WDR35: variants seen among roughly 807,000 people sequenced by gnomAD.
The protein encoded by WDR35 is WD repeat domain 35, also known as WD repeat-containing protein 35.
A neutral mutation model predicts 158.3 loss-of-function variants in WDR35; 118 were observed. The observed-to-expected ratio is 0.75, with a 90% confidence interval of 0.64 to 0.87. The LOEUF is 0.87. Ranked by LOEUF, WDR35 falls within the 40% of genes least tolerant of loss-of-function variation. The probability of loss-of-function intolerance (pLI) is 0.00; values close to 1 mark genes in which losing one functional copy is unlikely to be tolerated. For synonymous variants in WDR35, 448 were observed against 476.1 expected, an observed-to-expected ratio of 0.94 and a Z score of 0.77; for missense variants, 1,263 against 1,405.8, an observed-to-expected ratio of 0.90 and a Z score of 1.62.
rs1272592210 is a variant in WDR35, at chr2:19,910,344, G to T, written c.*3214C>A. On this transcript the variant is annotated 3_prime_UTR_variant, in exon 27 of 27. Coordinates refer to ENST00000281405, the MANE Select transcript of WDR35 (RefSeq NM_020779.4). Reference sequence around the variant, plus strand: ...CTAAGATCTCAGCTCTTGGAATACAGAAAAATAGTTTCAAAGTGTATTTTA... The same window carrying T: ...CTAAGATCTCAGCTCTTGGAATACATAAAAATAGTTTCAAAGTGTATTTTA... 1 of 152,094 alleles carries T rather than the reference G, an allele frequency of 6.6e-6. No individual in the cohort carries two copies. Among genetic ancestry groups the T allele is most frequent in the Non-Finnish European group, 1.5e-5 (1 of 67,994 alleles). 9.4% of individuals were successfully genotyped at this position (152,094 alleles called of 1,614,324 possible). A position where few individuals can be genotyped will look rare whatever the true frequency, so the allele number is the denominator to read the frequency against.
chr2:19,957,798 C>A (rs1374303081), intron 11 of WDR35, among the ~76,000 whole-genome samples: 1 of 152,120 alleles, frequency 6.6e-6, no homozygotes, highest in African/African-American at 2.4e-5. Context: ...GGTGATCTAC[C>A]CACCTCAGCC....
At chr2:19,924,010 A>C (rs1378153112) in intron 25 of WDR35, among the ~76,000 whole-genome samples, 5 of 152,138 alleles carry the variant, frequency 3.3e-5, no homozygotes, top group Non-Finnish European at 7.3e-5. Context: ...TGAAGCTTCC[A>C]TTCAGGCTGC....
chr2:19,969,517 G>C lies in WDR35; in HGVS notation c.971C>G (p.Ser324Cys). The part of the protein sequence containing the change: ...GGLKIALAVD[S>C]FIYFANIRPN... ...TCGAATGTTTGCAAAATATATAAAG[G>C]AATCAACAGCTAGTGCAATTTTCAG... The change falls in exon 9 of 27, where the codon TCC (serine) becomes TGC (cysteine). Residue 324 changes from serine (S) to cysteine (C), a missense_variant. Physicochemically the swap from Ser to Cys is moderately radical, Grantham distance 112. Coordinates refer to ENST00000281405, the MANE Select transcript of WDR35 (RefSeq NM_020779.4). 2 of 1,613,484 alleles carry C rather than the reference G, an allele frequency of 1.2e-6. No homozygotes were observed. Among genetic ancestry groups the C allele is most frequent in the Non-Finnish European group, 1.7e-6 (2 of 1,179,624 alleles).
At chr2:19,958,841 C>G (rs557930864) in intron 11 of WDR35, among the ~76,000 whole-genome samples, 5 of 152,144 alleles carry the variant, frequency 3.3e-5, no homozygotes, top group African/African-American at 9.7e-5. Flanking sequence ...ATACCTAACT[C>G]TCATGTGTAG....
intron 9 of WDR35, 142 bp from the exon 10 acceptor site, chr2:19,967,051 G>T: frequency 1.3e-6 from 1 of 752,758 alleles, no homozygotes; most frequent in Non-Finnish European, 2.1e-6. Context: ...ATATTCTTCA[G>T]AAATAGAAGA....
chr2:19,945,697 A>G, intron 16 of WDR35, 89 bp downstream of exon 16: 1 of 1,477,888 alleles, frequency 6.8e-7, no homozygotes, highest in African/African-American at 1.4e-5. Flanking sequence ...CTATTCAACA[A>G]ACTTCTTAAA....
intron 12 of WDR35, 122 bp downstream of exon 12, chr2:19,953,712 T>C (rs1466715544): frequency 2.6e-5 from 34 of 1,294,204 alleles, no homozygotes; most frequent in Admixed American, 1.1e-4. Flanking sequence ...ATCAAATTAA[T>C]TGAAAAAACA....
At chr2:19,924,381 G>A (rs902790800) in intron 25 of WDR35, among the ~76,000 whole-genome samples, 1 of 152,052 alleles carries the variant, frequency 6.6e-6, no homozygotes, top group African/African-American at 2.4e-5. Context: ...TGGCTAACAT[G>A]GTGAAACCCC....
At chr2:19,984,805 A>G (rs1328861503) in intron 2 of WDR35, among the ~76,000 whole-genome samples, 2 of 152,238 alleles carry the variant, frequency 1.3e-5, no homozygotes, top group Non-Finnish European at 2.9e-5. Context: ...CAGCAGCCCA[A>G]TTTCAACAGA....
chr2:19,970,620 C>G (rs980415163), intron 8 of WDR35, among the ~76,000 whole-genome samples: 1 of 152,220 alleles, frequency 6.6e-6, no homozygotes, highest in Non-Finnish European at 1.5e-5. Flanking sequence ...GCATGGCATA[C>G]AATGCCTTTT....
intron 11 of WDR35, among the ~76,000 whole-genome samples, chr2:19,959,529 A>C (rs1448510660): frequency 6.6e-6 from 1 of 152,066 alleles, no homozygotes; most frequent in Non-Finnish European, 1.5e-5. Flanking sequence ...CTATGTAGCA[A>C]TGAATGTAAG....
intron 11 of WDR35, among the ~76,000 whole-genome samples, chr2:19,958,196 T>C (rs1451471453): frequency 1.3e-5 from 2 of 152,224 alleles, no homozygotes; most frequent in Non-Finnish European, 2.9e-5. Context: ...GCCCATGTGC[T>C]CCCACTAAAA....
In WDR35 at chr2:19,935,759, G is replaced by GA. The variant is rs1281083851; in HGVS notation, c.2415-157dup. On this transcript the variant is annotated intron_variant, in intron 20 of 26. Transcript: ENST00000281405. ...AATAACTTTCAAACATATAAATGGG[G>GA]AAAAAAATCTAAAGCATATTCTAGT... is the stretch of plus-strand genomic sequence containing the variant. 9.2e-5 allele frequency among the ~76,000 whole-genome samples: 14 copies of GA among 151,788 alleles called. No homozygotes were observed. The South Asian group carries it at 1.7e-3, about 18-fold the overall frequency.
chr2:19,948,271 A>T, intron 13 of WDR35, 54 bp from the exon 14 acceptor site: 1 of 1,479,640 alleles, frequency 6.8e-7, no homozygotes, highest in Non-Finnish European at 9.4e-7. Flanking sequence ...TGAATAACTA[A>T]CCTGGTACAA....
rs767341173 is a variant in WDR35, at chr2:19,914,226, G to C, written c.3173C>G (p.Ser1058Cys). 7.4e-6 allele frequency: 12 copies of C among 1,614,142 alleles called. No individual in the cohort carries two copies. In the East Asian group the frequency reaches 8.9e-5, roughly 12 times the overall value. ...GGCGCATGCGCAGAGTGCTAGCAGAGAGTAGATCTCCACAGGAGGGATGAT... is the reference window on the plus strand; with the variant it reads ...GGCGCATGCGCAGAGTGCTAGCAGACAGTAGATCTCCACAGGAGGGATGAT... ...EDIIPPVEIY[S>C]LLALCACASR... Residue 1058 changes from serine to cysteine, a missense_variant, in exon 26 of 27, where the codon TCT (serine) becomes TGT (cysteine). Coordinates refer to ENST00000281405, the MANE Select transcript of WDR35 (RefSeq NM_020779.4).
chr2:19,978,179 TACACACACACACACAGACACACACAC>T (rs972765771), intron 5 of WDR35, among the ~76,000 whole-genome samples: 9 of 144,916 alleles, frequency 6.2e-5, no homozygotes, highest in Non-Finnish European at 1.4e-4. Flanking sequence ...TACATGAAGT[TACACACACACACACAGACACACACAC>T]ACACACACAC....
intron 5 of WDR35, 39 bp from the exon 6 acceptor site, chr2:19,975,702 A>T (rs906752320): frequency 6.2e-7 from 1 of 1,613,454 alleles, no homozygotes. Flanking sequence ...CAAGGTCATG[A>T]TCCTCCAACA....
At chr2:19,989,899 G>C in intron 1 of WDR35, 93 bp downstream of exon 1, 2 of 1,573,906 alleles carry the variant, frequency 1.3e-6, no homozygotes. Context: ...GACCAGGACC[G>C]GGTGAAGGAG....
In WDR35 at chr2:19,990,001, C is replaced by T. The variant is rs774533729; in HGVS notation, c.15G>A (p.Leu5=). MFFY[L]SKKISIPNNV... is the part of the protein sequence containing the mutation. ...CCCCCAGGAAACTCACTTTCTTGCT[C>T]AGGTAGAAGAACATCGTGGGATCCC... The change falls in exon 1 of 27, where the codon CTG becomes CTA. Residue 5 remains leucine, a synonymous_variant. Coordinates refer to ENST00000281405, the MANE Select transcript of WDR35 (RefSeq NM_020779.4). 2 of 1,614,026 alleles carry T rather than the reference C, an allele frequency of 1.2e-6. No homozygotes were observed. Among genetic ancestry groups the T allele is most frequent in the Non-Finnish European group, 1.7e-6 (2 of 1,179,962 alleles).
Sources: gnomAD v4.1 joint callset for allele counts (sites outside exome capture counted in the v4.1 genomes callset) on GRCh38, gnomAD v4.1.1 for gene constraint, MANE v1.5 for transcripts, NCBI Gene and HGNC (gene_info 2026-07-23, HGNC 2026-07-21) for gene names.